MSH3: variants seen among roughly 807,000 people sequenced by gnomAD.
MSH3 encodes the protein mutS homolog 3, also known as DNA mismatch repair protein Msh3.
In MSH3, 106 loss-of-function variants were observed where a neutral mutation model predicts 123.3. That is an observed-to-expected ratio of 0.86 (90% confidence interval 0.73 to 1.01). The LOEUF is 1.01. MSH3 is among the 50% of genes least tolerant of loss of function. MSH3 has a pLI of 0.00. For missense variants in MSH3, 1,459 were observed against 1,347.6 expected, an observed-to-expected ratio of 1.08 and a Z score of -1.29; for synonymous variants, 515 against 481.4, an observed-to-expected ratio of 1.07 and a Z score of -0.91.
chr5:80,741,750 C>A (rs997592704), intron 11 of MSH3, among the ~76,000 whole-genome samples: 10 of 152,070 alleles, frequency 6.6e-5, no homozygotes, highest in African/African-American at 1.9e-4. Context: ...GATGGAGCTG[C>A]CCTTTTTAAT....
chr5:80,780,372 C>G (rs552016337), intron 17 of MSH3, among the ~76,000 whole-genome samples: 2 of 152,254 alleles, frequency 1.3e-5, no homozygotes, highest in East Asian at 3.9e-4. Context: ...TTTCACGTGA[C>G]CCCTGTAAGG....
chr5:80,758,224 G>A (rs911480886), intron 12 of MSH3, among the ~76,000 whole-genome samples: 1 of 152,062 alleles, frequency 6.6e-6, no homozygotes, highest in Non-Finnish European at 1.5e-5. Context: ...ATGCCCTAAG[G>A]TTTGTCCATA....
intron 20 of MSH3, among the ~76,000 whole-genome samples, chr5:80,846,561 C>T (rs1460962345): frequency 6.6e-6 from 1 of 152,126 alleles, no homozygotes; most frequent in Non-Finnish European, 1.5e-5. Context: ...GTGGGCTCTG[C>T]CCAGTTTGAG....
rs1332356000 is a variant in MSH3, at chr5:80,715,123, C to T, written c.1341-10330C>T. On this transcript the variant is annotated intron_variant, in intron 8 of 23. Coordinates refer to ENST00000265081, the MANE Select transcript of MSH3 (RefSeq NM_002439.5). ...GACATTGTACTTAATGTCTCAAGTT[C>T]AATTTACTCATTTTTAAAATGGGAA... 3.3e-5 allele frequency: 5 copies of T among 152,290 alleles called. No individual in the cohort carries two copies. The South Asian group carries it at 6.2e-4, about 19-fold the overall frequency. 9.4% of individuals were successfully genotyped at this position (152,290 alleles called of 1,614,324 possible).
At chr5:80,729,955 A>G (rs550757083) in intron 10 of MSH3, among the ~76,000 whole-genome samples, 1 of 152,274 alleles carries the variant, frequency 6.6e-6, no homozygotes, top group African/African-American at 2.4e-5. Context: ...CAGAATAGAA[A>G]TTAACTAGGA....
At chr5:80,750,831 G>A (rs1461377725) in intron 12 of MSH3, among the ~76,000 whole-genome samples, 1 of 152,078 alleles carries the variant, frequency 6.6e-6, no homozygotes, top group African/African-American at 2.4e-5. Flanking sequence ...TTTGTACTTC[G>A]TGGTCTCTCT....
At chr5:80,750,627 C>T (rs1314723021) in intron 12 of MSH3, among the ~76,000 whole-genome samples, 2 of 152,080 alleles carry the variant, frequency 1.3e-5, no homozygotes, top group African/African-American at 4.8e-5. Context: ...GGTATATTAG[C>T]CCCTTATCCA....
intron 20 of MSH3, among the ~76,000 whole-genome samples, chr5:80,844,781 A>G (rs1309687090): frequency 6.7e-6 from 1 of 150,222 alleles, no homozygotes; most frequent in Non-Finnish European, 1.5e-5. Flanking sequence ...CTTTATTTTG[A>G]GCCTATGTGT....
At chr5:80,688,964 C>T (rs1238015159) in intron 8 of MSH3, among the ~76,000 whole-genome samples, 2 of 151,834 alleles carry the variant, frequency 1.3e-5, no homozygotes, top group Non-Finnish European at 2.9e-5. Flanking sequence ...ATATTTAGAG[C>T]CAAGTAAATG....
At chr5:80,723,056 C>T (rs1751118783) in intron 8 of MSH3, among the ~76,000 whole-genome samples, 2 of 151,496 alleles carry the variant, frequency 1.3e-5, no homozygotes, top group Non-Finnish European at 2.9e-5. Flanking sequence ...TGCAATGAGC[C>T]CTGGTCCAGC....
intron 8 of MSH3, among the ~76,000 whole-genome samples, chr5:80,702,082 A>G (rs1034593390): frequency 1.3e-5 from 2 of 152,142 alleles, no homozygotes; most frequent in Non-Finnish European, 2.9e-5. Flanking sequence ...CATTAATATA[A>G]AATTTATTAA....
intron 16 of MSH3, among the ~76,000 whole-genome samples, chr5:80,776,302 G>C (rs911280151): frequency 1.3e-5 from 2 of 152,002 alleles, no homozygotes; most frequent in Non-Finnish European, 2.9e-5. Context: ...TTCTTGTTTT[G>C]TAAATTATTG....
chr5:80,748,711 CA>C (rs1489713031), intron 12 of MSH3, among the ~76,000 whole-genome samples: 1 of 151,226 alleles, frequency 6.6e-6, no homozygotes, highest in Non-Finnish European at 1.5e-5. Flanking sequence ...CACACACACA[CA>C]CACACACACA....
chr5:80,798,127 G>A (rs540467910), intron 19 of MSH3, among the ~76,000 whole-genome samples: 6 of 152,040 alleles, frequency 3.9e-5, no homozygotes, highest in Non-Finnish European at 7.4e-5. Context: ...TGAGTCAAAC[G>A]TGCACAACAG....
intron 19 of MSH3, among the ~76,000 whole-genome samples, chr5:80,804,201 TC>T (rs1744842377): frequency 6.6e-6 from 1 of 152,234 alleles, no homozygotes. Context: ...GGAATATCTT[TC>T]CCTTTTTGTG....
At chr5:80,702,060 A>G (rs116775195) in intron 8 of MSH3, among the ~76,000 whole-genome samples, 5,461 of 152,210 alleles carry the variant, frequency 0.036, 314 homozygotes, top group African/African-American at 0.12. Context: ...TTTTGTATCA[A>G]TAATCAATAT....
rs554022561 is a variant in MSH3 at position 80,833,614 on chromosome 5, T to C, written c.2813+19873T>C. Among the ~76,000 whole-genome samples, 7 of 152,288 alleles carry C rather than the reference T, an allele frequency of 4.6e-5. No homozygotes were observed. The South Asian group carries it at 1.4e-3, about 32-fold the overall frequency. ...CGTGCCACCACACCCAGCTAATTTT[T>C]GTATTTTTAGTAGAGATGGGGTTTC... On this transcript the variant is annotated intron_variant, in intron 20 of 23. Coordinates refer to ENST00000265081, the MANE Select transcript of MSH3 (RefSeq NM_002439.5).
chr5:80,712,119 G>A (rs1386257768), intron 8 of MSH3, among the ~76,000 whole-genome samples: 1 of 152,162 alleles, frequency 6.6e-6, no homozygotes, highest in Admixed American at 6.5e-5. Flanking sequence ...TGTGATGGCT[G>A]CCTCCTGGTG....
Position 80,666,458 on chromosome 5 carries a change from T to C in MSH3, c.579+1095T>C, listed in dbSNP as rs182122036. Among the ~76,000 whole-genome samples, 319 of 152,312 alleles carry C rather than the reference T, an allele frequency of 2.1e-3. 2 individuals are homozygous for C. Among genetic ancestry groups the C allele is most frequent in the African/African-American group, 7.4e-3 (306 of 41,576 alleles). ...CCAGGCTAATATTGATTGACTTATC[T>C]TAGATCATCAAGAAAAAAAAGGTGT... On this transcript the variant is annotated intron_variant, in intron 3 of 23. Coordinates refer to ENST00000265081, the MANE Select transcript of MSH3 (RefSeq NM_002439.5).
Sources: gnomAD v4.1 joint callset for allele counts (sites outside exome capture counted in the v4.1 genomes callset) on GRCh38, gnomAD v4.1.1 for gene constraint, MANE v1.5 for transcripts, NCBI Gene and HGNC (gene_info 2026-07-23, HGNC 2026-07-21) for gene names.